Variants in RIPK1 observed in about 807,000 individuals in gnomAD.
RIPK1 encodes the protein receptor interacting serine/threonine kinase 1.
Under a neutral mutation model 62.4 loss-of-function variants are expected in RIPK1, and 27 were observed. That is an observed-to-expected ratio of 0.43 (90% CI 0.32 to 0.60). The LOEUF (loss-of-function observed/expected upper bound fraction) is 0.60, where lower values mean the gene tolerates loss of function less well. RIPK1 is among the 20% of genes least tolerant of loss of function. The pLI is 0.07. For missense variants in RIPK1, 735 were observed against 831.0 expected, an observed-to-expected ratio of 0.88 and a Z score of 1.42; for synonymous variants, 287 against 303.2, an observed-to-expected ratio of 0.95 and a Z score of 0.55.
rs754852181 is a variant in RIPK1, at chr6:3,077,863, A to G, written c.249A>G (p.Ile83Met). ...TGGTGAAGCTCCTGGGCGTCATCAT[A>G]GAGGAAGGGAAGTACTCCCTGGTGA... is the stretch of plus-strand genomic sequence containing the variant. ...SRVVKLLGVIIEEGKYSLVME... is the reference protein window; with the variant it reads ...SRVVKLLGVIMEEGKYSLVME... The change falls in exon 3 of 11, where the codon ATA becomes ATG. Residue 83 changes from isoleucine to methionine, a missense_variant. This residue lies in a region of RIPK1 where 671 missense variants were observed against 726.2 expected (regional missense o/e 0.92). Coordinates refer to ENST00000259808, the MANE Select transcript of RIPK1 (RefSeq NM_001354930.2). 1 of 1,614,222 alleles carries G rather than the reference A, an allele frequency of 6.2e-7. No individual in the cohort carries two copies. Among genetic ancestry groups the G allele is most frequent in the Non-Finnish European group, 8.5e-7 (1 of 1,180,014 alleles).
Position 3,105,753 on chromosome 6 carries a change from C to G in RIPK1, c.1278C>G (p.Tyr426Ter), listed in dbSNP as rs374657927. Residue 426 changes from tyrosine to a stop codon, truncating the protein, a stop_gained, in exon 9 of 11, where the codon TAC becomes TAG. Coordinates refer to ENST00000259808, the MANE Select transcript of RIPK1 (RefSeq NM_001354930.2). LOFTEE classifies it high-confidence loss of function. The surrounding 1 kb of genome is among the most constrained non-coding windows in gnomAD (Gnocchi z 4.5). ...ACCCTTTTGCACAGCAAAGACCTTA[C>G]GAGAATTTTCAGAATACAGAGGGAA... ...SHDPFAQQRPYENFQNTEGKG... is the reference protein window; with the variant it reads ...SHDPFAQQRP 1.2e-6 allele frequency: 2 copies of G among 1,614,198 alleles called. No individual in the cohort carries two copies. Among genetic ancestry groups the G allele is most frequent in the African/African-American group, 1.3e-5 (1 of 75,036 alleles).
chr6:3,086,263 T>C (rs147850208), intron 6 of RIPK1, among the ~76,000 whole-genome samples: 6 of 152,378 alleles, frequency 3.9e-5, no homozygotes, highest in African/African-American at 1.2e-4. Flanking sequence ...TTCGTGGACA[T>C]GTTTTTGTGT....
chr6:3,064,314 T>TGGCCG (rs1758284145), upstream of RIPK1, among the ~76,000 whole-genome samples: 1 of 152,130 alleles, frequency 6.6e-6, no homozygotes, highest in African/African-American at 2.4e-5. Flanking sequence ...TGCCCTTCCC[T>TGGCCG]GGCCGAAGCC....
Position 3,105,615 on chromosome 6 carries a change from C to A in RIPK1, c.1140C>A (p.Asp380Glu), listed in dbSNP as rs530868191. Residue 380 changes from aspartate to glutamate, a missense_variant, in exon 9 of 11, where the codon GAC (aspartate) becomes GAA (glutamate). Transcript: ENST00000259808. This position sits in a 1 kb window ranked among gnomAD's most constrained non-coding sequence, Gnocchi z 4.5. ...NEPSLQSKLQDEANYHLYGSR... is the reference protein window; with the variant it reads ...NEPSLQSKLQEEANYHLYGSR... ...CCAGCCTGCAGAGTAAACTCCAAGA[C>A]GAAGCCAACTACCATCTTTATGGCA... 3 of 1,614,012 alleles carry A rather than the reference C, an allele frequency of 1.9e-6. No homozygotes were observed. Among genetic ancestry groups the A allele is most frequent in the African/African-American group, 2.7e-5 (2 of 75,012 alleles).
chr6:3,065,072 C>T (rs1758315797), upstream of RIPK1, among the ~76,000 whole-genome samples: 1 of 151,382 alleles, frequency 6.6e-6, no homozygotes, highest in Non-Finnish European at 1.5e-5. Context: ...GAAACCCCGT[C>T]TCTACTAAAA....
At chr6:3,075,449 T>C (rs527521992) in intron 1 of RIPK1, among the ~76,000 whole-genome samples, 33 of 152,346 alleles carry the variant, frequency 2.2e-4, no homozygotes, top group African/African-American at 7.7e-4. Flanking sequence ...ATTTTCTTCT[T>C]AGAGTTTGCA....
intron 7 of RIPK1, among the ~76,000 whole-genome samples, chr6:3,094,252 T>C (rs1197804966): frequency 6.6e-6 from 1 of 152,128 alleles, no homozygotes; most frequent in African/African-American, 2.4e-5. Flanking sequence ...CTTTAAAGGC[T>C]TTTCAAGAAC....
intron 7 of RIPK1, among the ~76,000 whole-genome samples, chr6:3,098,948 G>A (rs550944573): frequency 2.0e-5 from 3 of 152,196 alleles, no homozygotes; most frequent in Admixed American, 2.0e-4. Context: ...TCAGTCACTG[G>A]CTCAGAAGGG....
At chr6:3,088,638 T>C (rs1759854468) in intron 6 of RIPK1, 1 of 152,486 alleles carries the variant, frequency 6.6e-6, no homozygotes, top group Non-Finnish European at 1.5e-5. Flanking sequence ...CACTTGGCCT[T>C]AGCTGCTGTG....
In RIPK1 at chr6:3,105,754, G is replaced by A. The variant is rs761306632; in HGVS notation, c.1279G>A (p.Glu427Lys). The A allele has an allele frequency of 3.1e-6, 5 of 1,614,092 alleles. No individual in the cohort carries two copies. The African/African-American group carries it at 4.0e-5, about 13-fold the overall frequency. The change falls in exon 9 of 11, where the codon GAG (glutamate) becomes AAG (lysine). Residue 427 changes from glutamate (E) to lysine (K), a missense_variant. Coordinates refer to ENST00000259808, the MANE Select transcript of RIPK1 (RefSeq NM_001354930.2). This position sits in a 1 kb window ranked among gnomAD's most constrained non-coding sequence, Gnocchi z 4.5. ...CCCTTTTGCACAGCAAAGACCTTAC[G>A]AGAATTTTCAGAATACAGAGGGAAA... ...HDPFAQQRPY[E>K]NFQNTEGKGT...
At chr6:3,082,237 C>A (rs960295838) in intron 4 of RIPK1, among the ~76,000 whole-genome samples, 1 of 152,196 alleles carries the variant, frequency 6.6e-6, no homozygotes, top group Non-Finnish European at 1.5e-5. Context: ...AGCGCTTTGT[C>A]CTAGTCTTGG....
chr6:3,072,291 G>A lies in RIPK1; in HGVS notation c.-61+3630G>A, dbSNP rs1324712001. 6.6e-6 allele frequency among the ~76,000 whole-genome samples: 1 copy of A among 152,150 alleles called. No individual in the cohort carries two copies. Among genetic ancestry groups the A allele is most frequent in the South Asian group, 2.1e-4 (1 of 4,834 alleles). ...TTGGAAAACATAGTAAAAGTGTAAA[G>A]AAGAAAGTAAAAATCAACCTATCAT... On this transcript the variant is annotated intron_variant, in intron 1 of 10. Coordinates refer to ENST00000259808, the MANE Select transcript of RIPK1 (RefSeq NM_001354930.2). The surrounding 1 kb of genome is among the most constrained non-coding windows in gnomAD (Gnocchi z 5.6).
intron 7 of RIPK1, among the ~76,000 whole-genome samples, chr6:3,099,183 C>T (rs1485843912): frequency 2.0e-5 from 3 of 152,120 alleles, no homozygotes; most frequent in African/African-American, 7.2e-5. Flanking sequence ...GAAAGGTAGT[C>T]AAAAAGGAGA....
upstream of RIPK1, among the ~76,000 whole-genome samples, chr6:3,064,511 C>G (rs1002618020): frequency 6.6e-6 from 1 of 152,190 alleles, no homozygotes; most frequent in African/African-American, 2.4e-5. Flanking sequence ...CGGATGGGGC[C>G]CTTCCTTCCC....
chr6:3,113,028 CCTT>C lies in RIPK1; in HGVS notation c.1730-18_1730-16del, dbSNP rs751917989. The C allele has an allele frequency of 9.3e-6, 14 of 1,512,664 alleles. No homozygotes were observed. The East Asian group carries it at 1.8e-4, about 20-fold the overall frequency. The allele number at this position is 1,512,664 out of a possible 1,614,324, so 93.7% of individuals were successfully genotyped here. ...TGTTTGAATGGGTTTTAGCTTGATA[CCTT>C]CTTCTTTTTCCCATTTGGCAGATAA... On this transcript the variant is annotated intron_variant, in intron 10 of 10. Coordinates refer to ENST00000259808, the MANE Select transcript of RIPK1 (RefSeq NM_001354930.2). The surrounding 1 kb of genome is among the most constrained non-coding windows in gnomAD (Gnocchi z 5.0).
At chr6:3,069,437 G>A (rs1758575958) in intron 1 of RIPK1, among the ~76,000 whole-genome samples, 1 of 151,902 alleles carries the variant, frequency 6.6e-6, no homozygotes, top group South Asian at 2.1e-4. Context: ...CTAAGCATTT[G>A]ACAAAGCCTC....
At position 3,105,663 on chromosome 6, in the gene RIPK1, A is replaced by C. The variant is rs1389331132; in HGVS notation, c.1188A>C (p.Lys396Asn). The C allele has an allele frequency of 1.2e-6, 2 of 1,614,090 alleles. No homozygotes were observed. The highest frequency in any genetic ancestry group is 1.7e-6 in the Non-Finnish European group (2 of 1,179,948). ...GCAGCCGCATGGACAGGCAGACGAA[A>C]CAGCAGCCCAGACAGAATGTGGCTT... ...LYGSRMDRQT[K>N]QQPRQNVAYN... The change falls in exon 9 of 11, where the codon AAA becomes AAC. Residue 396 changes from lysine (K) to asparagine (N), a missense_variant. Physicochemically the swap from Lys to Asn is moderately conservative, Grantham distance 94 (BLOSUM62 0). This residue lies in a region of RIPK1 where 671 missense variants were observed against 726.2 expected (regional missense o/e 0.92). Coordinates refer to ENST00000259808, the MANE Select transcript of RIPK1 (RefSeq NM_001354930.2). This position sits in a 1 kb window ranked among gnomAD's most constrained non-coding sequence, Gnocchi z 4.5.
intron 6 of RIPK1, among the ~76,000 whole-genome samples, chr6:3,086,654 G>GTATAGAACT (rs1403803448): frequency 2.0e-5 from 3 of 152,244 alleles, no homozygotes; most frequent in African/African-American, 7.2e-5. Context: ...GGAGGAGGGT[G>GTATAGAACT]TATAGAACTT....
At chr6:3,104,808 G>A (rs774714656) in intron 8 of RIPK1, among the ~76,000 whole-genome samples, 19 of 151,980 alleles carry the variant, frequency 1.3e-4, no homozygotes, top group Non-Finnish European at 2.9e-5. Context: ...CTCTCATAGG[G>A]CTCTTCAAGA....
Sources: gnomAD v4.1 joint callset for allele counts (sites outside exome capture counted in the v4.1 genomes callset) on GRCh38, gnomAD v4.1.1 for gene constraint, gnomAD v4.1.1 regional missense constraint, Gnocchi (gnomAD v3.1) non-coding constraint, MANE v1.5 for transcripts, NCBI Gene and HGNC (gene_info 2026-07-23, HGNC 2026-07-21) for gene names.